Variants in MACROD2 observed in about 807,000 individuals in gnomAD.
The protein encoded by MACROD2 is ADP-ribose glycohydrolase MACROD2.
A neutral mutation model predicts 70.4 loss-of-function variants in MACROD2; 36 were observed. The observed-to-expected ratio is 0.51, with a 90% CI of 0.39 to 0.68. The LOEUF is 0.68. Among genes scored for constraint, MACROD2 ranks in the 30% least tolerant of loss-of-function variants. The pLI, the probability that MACROD2 is intolerant of heterozygous loss-of-function variation, is 0.00. For synonymous variants in MACROD2, 172 were observed against 178.8 expected (o/e 0.96, Z 0.30); for missense variants, 496 against 538.4 (o/e 0.92, Z 0.78).
intron 8 of MACROD2, among the ~76,000 whole-genome samples, chr20:15,587,791 G>C (rs2146661030): frequency 6.6e-6 from 1 of 152,318 alleles, no homozygotes; most frequent in East Asian, 1.9e-4. Flanking sequence ...CCATGGTCTT[G>C]GGCAGCTCTG....
intron 17 of MACROD2, among the ~76,000 whole-genome samples, chr20:16,048,912 C>T (rs900152050): frequency 3.3e-5 from 5 of 152,094 alleles, no homozygotes; most frequent in Admixed American, 6.6e-5. Flanking sequence ...ACAAATGTCT[C>T]GCAGCAAGAA....
chr20:15,527,316 T>G (rs1454113346), intron 8 of MACROD2, among the ~76,000 whole-genome samples: 1 of 152,256 alleles, frequency 6.6e-6, no homozygotes, highest in African/African-American at 2.4e-5. Flanking sequence ...GTTAATGGTA[T>G]TCAACTATCT....
Position 15,719,912 on chromosome 20 carries a change from G to A in MACROD2, c.646-142833G>A, listed in dbSNP as rs116051840. 4.5e-3 allele frequency among the ~76,000 whole-genome samples: 676 copies of A among 151,844 alleles called. 2 individuals carry two copies. Among genetic ancestry groups the A allele is most frequent in the African/African-American group, 0.015 (609 of 41,420 alleles). On this transcript the variant is annotated intron_variant, in intron 8 of 17. Coordinates refer to ENST00000684519, the MANE Select transcript of MACROD2 (RefSeq NM_001351661.2). ...CACTACTTACTCTTTTTTTCTAATT[G>A]TAACTTTGTACCCATTGACCATCCT...
In MACROD2 at chr20:14,067,724, T is replaced by C. The variant is rs574992744; in HGVS notation, c.164-17897T>C. ...CCATCCCAAACAGCTTCACACATAGTCTCATTAAAATAAAAAATCCTGGGA... is the reference window on the plus strand; with the variant it reads ...CCATCCCAAACAGCTTCACACATAGCCTCATTAAAATAAAAAATCCTGGGA... On this transcript the variant is annotated intron_variant, in intron 2 of 17. Coordinates refer to ENST00000684519, the MANE Select transcript of MACROD2 (RefSeq NM_001351661.2). Among the ~76,000 whole-genome samples the C allele has an allele frequency of 2.6e-5, 4 of 152,270 alleles. No homozygotes were observed. The South Asian group carries it at 8.3e-4, about 32-fold the overall frequency.
chr20:15,090,453 A>G (rs756666460), intron 5 of MACROD2, among the ~76,000 whole-genome samples: 1 of 152,036 alleles, frequency 6.6e-6, no homozygotes, highest in Non-Finnish European at 1.5e-5. Flanking sequence ...TACCTTCCTC[A>G]CTGCTTACAA....
At chr20:14,207,346 C>T (rs1008948292) in intron 3 of MACROD2, among the ~76,000 whole-genome samples, 4 of 152,226 alleles carry the variant, frequency 2.6e-5, no homozygotes, top group East Asian at 1.9e-4. Context: ...GTGGTCCGCC[C>T]GTCTTGGCCT....
At chr20:14,895,945 T>C (rs1421495143) in intron 5 of MACROD2, among the ~76,000 whole-genome samples, 2 of 152,218 alleles carry the variant, frequency 1.3e-5, no homozygotes, top group East Asian at 3.9e-4. Context: ...CTGGTTACCA[T>C]ATATGTTTCT....
At chr20:14,761,670 G>T (rs1349227064) in intron 5 of MACROD2, among the ~76,000 whole-genome samples, 1 of 152,018 alleles carries the variant, frequency 6.6e-6, no homozygotes, top group East Asian at 1.9e-4. Flanking sequence ...TCCTCTCCTG[G>T]GGTGCTTTTT....
Position 15,896,575 on chromosome 20 carries a change from T to TC in MACROD2, c.775+10765dup, listed in dbSNP as rs141083264. Among the ~76,000 whole-genome samples the TC allele has an allele frequency of 3.8e-3, 568 of 151,094 alleles. 2 individuals carry two copies. The highest frequency in any genetic ancestry group is 0.023 in the South Asian group (111 of 4,800). ...TCTAGAAAAAACACAGCTTCTGTAA[T>TC]CTTTTCTCTTTCTCTTTCCTGGAAA... On this transcript the variant is annotated intron_variant, in intron 10 of 17. Transcript: ENST00000684519.
chr20:14,806,283 G>C lies in MACROD2; in HGVS notation c.418+121324G>C, dbSNP rs149670671. On this transcript the variant is annotated intron_variant, in intron 5 of 17. Transcript: ENST00000684519. Reference sequence around the variant, plus strand: ...TGATCTCACTGGGACTGGTTAGACAGTGGGTGCAGCCCATGGAGGGCGACC... The same window carrying C: ...TGATCTCACTGGGACTGGTTAGACACTGGGTGCAGCCCATGGAGGGCGACC... Among the ~76,000 whole-genome samples the C allele has an allele frequency of 2.6e-4, 39 of 152,214 alleles. No individual in the cohort carries two copies. In the East Asian group the frequency reaches 7.4e-3, roughly 29 times the overall value.
chr20:14,744,622 C>T (rs2071776151), intron 5 of MACROD2, among the ~76,000 whole-genome samples: 1 of 152,164 alleles, frequency 6.6e-6, no homozygotes, highest in Admixed American at 6.5e-5. Context: ...CCCACATCAG[C>T]TCTGGGTTTT....
At chr20:14,714,646 C>CT (rs1205591631) in intron 5 of MACROD2, among the ~76,000 whole-genome samples, 1 of 152,134 alleles carries the variant, frequency 6.6e-6, no homozygotes, top group Non-Finnish European at 1.5e-5. Flanking sequence ...CAACATGCCC[C>CT]CTCTCATGAT....
chr20:14,215,136 A>G (rs1403324437), intron 3 of MACROD2, among the ~76,000 whole-genome samples: 2 of 149,070 alleles, frequency 1.3e-5, no homozygotes, highest in Non-Finnish European at 3.0e-5. Flanking sequence ...TCCATCATAT[A>G]TATATATTCC....
intron 5 of MACROD2, among the ~76,000 whole-genome samples, chr20:15,044,922 GT>G (rs1354436357): frequency 6.6e-6 from 1 of 152,064 alleles, no homozygotes; most frequent in Non-Finnish European, 1.5e-5. Flanking sequence ...CAGATTTTAA[GT>G]TTTGTCTAAA....
intron 5 of MACROD2, among the ~76,000 whole-genome samples, chr20:15,118,307 C>T (rs147247290): frequency 6.6e-6 from 1 of 151,800 alleles, no homozygotes; most frequent in Non-Finnish European, 1.5e-5. Flanking sequence ...ACTCTCCTTC[C>T]TCAGCCTCCT....
At chr20:14,678,224 G>A (rs11087101) in intron 4 of MACROD2, among the ~76,000 whole-genome samples, 2 of 151,898 alleles carry the variant, frequency 1.3e-5, no homozygotes, top group Admixed American at 1.3e-4. Context: ...ACCTTGTGCA[G>A]GATTTTTATG....
At chr20:14,604,814 C>T (rs1260100257) in intron 4 of MACROD2, among the ~76,000 whole-genome samples, 1 of 152,104 alleles carries the variant, frequency 6.6e-6, no homozygotes, top group Non-Finnish European at 1.5e-5. Flanking sequence ...TTCTTTTTCT[C>T]GCTTCTTCAA....
At chr20:14,350,695 T>C (rs1186986900) in intron 3 of MACROD2, among the ~76,000 whole-genome samples, 1 of 152,182 alleles carries the variant, frequency 6.6e-6, no homozygotes, top group African/African-American at 2.4e-5. Context: ...TATTTTCTCC[T>C]TTTCTGTGGG....
intron 4 of MACROD2, chr20:14,623,043 A>C (rs933603338): frequency 1.9e-4 from 29 of 152,256 alleles, no homozygotes; most frequent in African/African-American, 6.8e-4. Context: ...GGGCTAGCTC[A>C]CATCCAGTGA....
Sources: gnomAD v4.1 joint callset for allele counts (sites outside exome capture counted in the v4.1 genomes callset) on GRCh38, gnomAD v4.1.1 for gene constraint, MANE v1.5 for transcripts, NCBI Gene and HGNC (gene_info 2026-07-23, HGNC 2026-07-21) for gene names.